Variants in ZNF730 observed in about 807,000 individuals in gnomAD.
The protein encoded by ZNF730 is zinc finger protein 730.
ZNF730 carries 12 observed loss-of-function variants against 12.6 expected under a neutral mutation model. The observed-to-expected ratio is 0.95, with a 90% CI of 0.61 to 1.54. The LOEUF (loss-of-function observed/expected upper bound fraction) is 1.54. Among genes scored for constraint, ZNF730 ranks in the 40% most tolerant of loss-of-function variants. The pLI is 0.00. For missense variants in ZNF730, 643 were observed against 583.5 expected, an observed-to-expected ratio of 1.10 and a Z score of -1.05; for synonymous variants, 194 against 195.8, an observed-to-expected ratio of 0.99 and a Z score of 0.08.
intron 1 of ZNF730, among the ~76,000 whole-genome samples, chr19:23,094,292 T>A (rs1970209691): frequency 6.6e-6 from 1 of 151,772 alleles, no homozygotes; most frequent in Non-Finnish European, 1.5e-5. Context: ...TTTTCTTTTT[T>A]TTTTTTAAAT....
intron 1 of ZNF730, among the ~76,000 whole-genome samples, chr19:23,081,722 T>G (rs1969969469): frequency 6.6e-6 from 1 of 152,190 alleles, no homozygotes; most frequent in Non-Finnish European, 1.5e-5. Context: ...CCCAAAGTGC[T>G]GGGATTTCAG....
At chr19:23,129,018 G>A (rs1970708587) in intron 1 of ZNF730, among the ~76,000 whole-genome samples, 1 of 152,154 alleles carries the variant, frequency 6.6e-6, no homozygotes, top group African/African-American at 2.4e-5. Context: ...CTTCCATATT[G>A]TGTTGAGCCT....
intron 1 of ZNF730, among the ~76,000 whole-genome samples, chr19:23,118,566 T>C (rs1051938756): frequency 6.6e-6 from 1 of 151,990 alleles, no homozygotes; most frequent in African/African-American, 2.4e-5. Flanking sequence ...AAGTGTAGTC[T>C]CTCAAGAGAG....
chr19:23,134,307 T>G, intron 2 of ZNF730, 101 bp downstream of exon 2: 1 of 1,071,328 alleles, frequency 9.3e-7, no homozygotes, highest in Non-Finnish European at 1.3e-6. Flanking sequence ...TTTCTTTTTC[T>G]TTTTCTTTTT....
At chr19:23,130,979 G>A (rs1033425458) in intron 1 of ZNF730, among the ~76,000 whole-genome samples, 46 of 152,268 alleles carry the variant, frequency 3.0e-4, no homozygotes, top group African/African-American at 1.1e-3. Flanking sequence ...CATTTTTAGA[G>A]CTGGTGCTCA....
intron 1 of ZNF730, among the ~76,000 whole-genome samples, chr19:23,088,430 C>A (rs953230367): frequency 7.2e-5 from 11 of 151,900 alleles, no homozygotes; most frequent in African/African-American, 2.4e-4. Flanking sequence ...TTTTCAATAC[C>A]TTGTTTATTG....
chr19:23,103,805 T>G (rs2145546588), intron 1 of ZNF730, among the ~76,000 whole-genome samples: 1 of 152,348 alleles, frequency 6.6e-6, no homozygotes, highest in Admixed American at 6.5e-5. Context: ...TATGTTAAGT[T>G]ATTGTAAACC....
chr19:23,085,744 G>A (rs955323083), intron 1 of ZNF730, among the ~76,000 whole-genome samples: 1 of 149,110 alleles, frequency 6.7e-6, no homozygotes, highest in African/African-American at 2.5e-5. Context: ...TCGAACTGCT[G>A]ACCTCAGGTG....
At chr19:23,113,800 G>C (rs1203071020), upstream of ZNF730, among the ~76,000 whole-genome samples, 6 of 152,134 alleles carry the variant, frequency 3.9e-5, no homozygotes, top group Non-Finnish European at 4.4e-5. Context: ...TGGAATCTGA[G>C]ACTAAGTACA....
At chr19:23,109,749 A>T (rs1050013564) in intron 1 of ZNF730, among the ~76,000 whole-genome samples, 1 of 151,958 alleles carries the variant, frequency 6.6e-6, no homozygotes, top group African/African-American at 2.4e-5. Flanking sequence ...AGGTTTCACC[A>T]TGTTGGCCAG....
chr19:23,097,070 C>T (rs1970264404), intron 1 of ZNF730, among the ~76,000 whole-genome samples: 1 of 152,074 alleles, frequency 6.6e-6, no homozygotes, highest in Non-Finnish European at 1.5e-5. Context: ...ACATAGAGTG[C>T]CTCATTGACA....
intron 1 of ZNF730, chr19:23,123,054 A>G (rs1970619224): frequency 6.6e-6 from 1 of 152,218 alleles, no homozygotes; most frequent in Non-Finnish European, 1.5e-5. Flanking sequence ...ACTGAATTTG[A>G]ATGCTGCTTT....
chr19:23,116,059 G>C (rs766281960), upstream of ZNF730, among the ~76,000 whole-genome samples: 17 of 152,220 alleles, frequency 1.1e-4, no homozygotes, highest in Non-Finnish European at 2.1e-4. Context: ...TTGGTCCTTA[G>C]TCCCCGCACG....
intron 3 of ZNF730, among the ~76,000 whole-genome samples, chr19:23,141,789 A>G (rs1568317631): frequency 6.6e-6 from 1 of 152,112 alleles, no homozygotes; most frequent in Non-Finnish European, 1.5e-5. Flanking sequence ...AAAATGTTCT[A>G]TGAGCTATTG....
chr19:23,119,045 T>C (rs190692413), intron 1 of ZNF730, among the ~76,000 whole-genome samples: 1,534 of 152,338 alleles, frequency 0.01, 18 homozygotes, highest in Admixed American at 0.03. Context: ...TATTTCTTTC[T>C]CTTGCCTGAA....
chr19:23,108,318 C>T (rs1368177783), intron 1 of ZNF730, among the ~76,000 whole-genome samples: 2 of 152,020 alleles, frequency 1.3e-5, no homozygotes, highest in Non-Finnish European at 2.9e-5. Flanking sequence ...GGATTTTTAA[C>T]ACCACCACCC....
At chr19:23,097,681 C>T (rs1289291769) in intron 1 of ZNF730, among the ~76,000 whole-genome samples, 5 of 152,124 alleles carry the variant, frequency 3.3e-5, no homozygotes, top group Non-Finnish European at 7.4e-5. Context: ...ATCTCTGGGA[C>T]CAGCACCTAG....
At chr19:23,075,253 A>G (rs542053965) in exon 1 of ZNF730, 2 of 152,498 alleles carry the variant, frequency 1.3e-5, no homozygotes, top group Non-Finnish European at 1.5e-5. Flanking sequence ...ATCGGTCTTC[A>G]CTGTTCCGCG....
At chr19:23,076,767 C>T (rs1969869627) in intron 1 of ZNF730, among the ~76,000 whole-genome samples, 2 of 152,074 alleles carry the variant, frequency 1.3e-5, no homozygotes, top group Admixed American at 1.3e-4. Flanking sequence ...CACCTATTGT[C>T]GACAGTGTGG....
Sources: gnomAD v4.1 joint callset for allele counts (sites outside exome capture counted in the v4.1 genomes callset) on GRCh38, gnomAD v4.1.1 for gene constraint, MANE v1.5 for transcripts, NCBI Gene and HGNC (gene_info 2026-07-23, HGNC 2026-07-21) for gene names.